The following BLTP1 variants were observed in gnomAD, a reference collection of about 807,000 sequenced individuals.
BLTP1 encodes the protein fragile site-associated protein.
the BLTP1 span, chr4:122,351,331 C>G: frequency 2.1e-6 from 1 of 481,392 alleles, no homozygotes; most frequent in Non-Finnish European, 2.7e-6. Flanking sequence ...AGAGCATACA[C>G]CTCCAGATAT....
At chr4:122,261,047 A>G in the BLTP1 span, among the ~76,000 whole-genome samples, 4 of 152,166 alleles carry the variant, frequency 2.6e-5, no homozygotes, top group Admixed American at 2.6e-4. Flanking sequence ...CAGTTAAGAG[A>G]GTCTCTGGGA....
At chr4:122,180,691 G>A in the BLTP1 span, among the ~76,000 whole-genome samples, 3 of 152,186 alleles carry the variant, frequency 2.0e-5, no homozygotes, top group Non-Finnish European at 4.4e-5. Context: ...AAAAAGATAC[G>A]TATTTAATTA....
chr4:122,209,906 GA>G, the BLTP1 span: 2 of 1,613,214 alleles, frequency 1.2e-6, no homozygotes, highest in South Asian at 2.2e-5. Flanking sequence ...AAAAGCAGAT[GA>G]ACAGCTGAAA....
the BLTP1 span, among the ~76,000 whole-genome samples, chr4:122,191,109 ATTAT>A: frequency 7.9e-5 from 12 of 152,182 alleles, no homozygotes; most frequent in South Asian, 4.1e-4. Context: ...AGCAATAGAA[ATTAT>A]TTATTTTGTC....
At chr4:122,174,235 C>T in the BLTP1 span, 1 of 985,118 alleles carries the variant, frequency 1.0e-6, no homozygotes, top group African/African-American at 1.7e-5. Flanking sequence ...TTCCTGCAGT[C>T]ACTCAAGATT....
At chr4:122,277,140 C>A in the BLTP1 span, 1 of 877,338 alleles carries the variant, frequency 1.1e-6, no homozygotes, top group Non-Finnish European at 1.4e-6. Flanking sequence ...AGTTTGAGAC[C>A]AGCCTGAGAA....
At chr4:122,359,970 A>G in the BLTP1 span, 1 of 985,396 alleles carries the variant, frequency 1.0e-6, no homozygotes, top group Non-Finnish European at 1.2e-6. Flanking sequence ...CATTACTAAA[A>G]TATGAGAATA....
chr4:122,161,735 A>G, the BLTP1 span, among the ~76,000 whole-genome samples: 11 of 151,966 alleles, frequency 7.2e-5, no homozygotes, highest in Non-Finnish European at 1.5e-4. Flanking sequence ...AGAGAATCAA[A>G]TTTTCTTAAG....
the BLTP1 span, among the ~76,000 whole-genome samples, chr4:122,265,279 A>C: frequency 6.6e-6 from 1 of 152,156 alleles, no homozygotes; most frequent in Admixed American, 6.5e-5. Context: ...GTATACTTTA[A>C]ATCTTTTCTA....
chr4:122,156,185 T>C, the BLTP1 span: 1 of 153,420 alleles, frequency 6.5e-6, no homozygotes, highest in African/African-American at 2.4e-5. Flanking sequence ...TAGTGAGTTG[T>C]ATATATGGAT....
At chr4:122,194,117 C>G in the BLTP1 span, among the ~76,000 whole-genome samples, 1 of 152,148 alleles carries the variant, frequency 6.6e-6, no homozygotes, top group Non-Finnish European at 1.5e-5. Context: ...CCGCTTCGGC[C>G]TCTCAAAGTG....
chr4:122,165,936 T>C, the BLTP1 span, among the ~76,000 whole-genome samples: 1 of 151,510 alleles, frequency 6.6e-6, no homozygotes, highest in Non-Finnish European at 1.5e-5. Context: ...TTTTTTCTTG[T>C]AAATTTGTTT....
chr4:122,316,563 A>G, the BLTP1 span: 2 of 885,770 alleles, frequency 2.3e-6, no homozygotes, highest in East Asian at 6.4e-5. Context: ...GTAGCAACTA[A>G]ATAGATTCCT....
chr4:122,347,902 A>G, the BLTP1 span: 3 of 453,454 alleles, frequency 6.6e-6, no homozygotes, highest in African/African-American at 6.6e-5. Flanking sequence ...GACACGTCAA[A>G]AAAAAAAAAA....
At chr4:122,228,983 A>G in the BLTP1 span, 1 of 686,570 alleles carries the variant, frequency 1.5e-6, no homozygotes, top group South Asian at 2.6e-5. Context: ...TTATTATTAT[A>G]AAAGAATGAA....
At chr4:122,271,709 A>C in the BLTP1 span, 3 of 1,570,124 alleles carry the variant, frequency 1.9e-6, no homozygotes, top group Non-Finnish European at 2.6e-6. Context: ...GTCTTCAGAA[A>C]CATTTGGACC....
the BLTP1 span, chr4:122,204,779 A>T: frequency 1.6e-6 from 1 of 627,878 alleles, no homozygotes; most frequent in South Asian, 7.2e-5. Flanking sequence ...GCTAAAGACT[A>T]AAGTTAGAAA....
chr4:122,156,499 G>A, the BLTP1 span, among the ~76,000 whole-genome samples: 1 of 152,188 alleles, frequency 6.6e-6, no homozygotes, highest in Admixed American at 6.5e-5. Flanking sequence ...GACAACTAAA[G>A]TATCCATTGG....
chr4:122,188,991 C>T, the BLTP1 span: 38 of 985,134 alleles, frequency 3.9e-5, no homozygotes, highest in East Asian at 1.1e-4. Flanking sequence ...TGGCCTCACT[C>T]TTCAAGATCA....
Sources: gnomAD v4.1 joint callset for allele counts (sites outside exome capture counted in the v4.1 genomes callset) on GRCh38, gnomAD v4.1.1 for gene constraint, MANE v1.5 for transcripts, NCBI Gene and HGNC (gene_info 2026-07-23, HGNC 2026-07-21) for gene names.